MYCBP2: variants seen among roughly 807,000 people sequenced by gnomAD.
MYCBP2 encodes E3 ubiquitin-protein ligase MYCBP2.
A neutral mutation model predicts 525.3 loss-of-function variants in MYCBP2; 120 were observed. That is an observed-to-expected ratio of 0.23 (90% confidence interval 0.20 to 0.27). MYCBP2 has a LOEUF of 0.27. Ranked by LOEUF, MYCBP2 falls within the 10% of genes least tolerant of loss-of-function variation. The pLI, the probability that MYCBP2 is intolerant of heterozygous loss-of-function variation, is 1.00. For missense variants in MYCBP2, 4,149 were observed against 5,657.1 expected, an observed-to-expected ratio of 0.73 and a Z score of 8.55; for synonymous variants, 1,894 against 1,955.8, an observed-to-expected ratio of 0.97 and a Z score of 0.83.
intron 68 of MYCBP2, among the ~76,000 whole-genome samples, chr13:77,073,733 C>T (rs904869467): frequency 5.3e-5 from 8 of 151,934 alleles, no homozygotes; most frequent in Non-Finnish European, 8.8e-5. Context: ...TATTTTTATA[C>T]ACTAGAAATG....
chr13:77,201,821 A>C (rs1380090752), intron 26 of MYCBP2, among the ~76,000 whole-genome samples: 2 of 152,218 alleles, frequency 1.3e-5, no homozygotes, highest in African/African-American at 2.4e-5. Context: ...TGAAGGCAGA[A>C]ATAAAGATGT....
intron 55 of MYCBP2, among the ~76,000 whole-genome samples, chr13:77,113,873 G>C (rs951080143): frequency 2.6e-5 from 4 of 152,152 alleles, no homozygotes; most frequent in Non-Finnish European, 5.9e-5. Flanking sequence ...TGTTGTGACA[G>C]ATGTTATAAA....
In MYCBP2 at chr13:77,217,946, G is replaced by A. The variant is rs1351427714; in HGVS notation, c.2951C>T (p.Thr984Ile). The A allele has an allele frequency of 3.1e-6, 5 of 1,598,348 alleles. No individual in the cohort carries two copies. The highest frequency in any genetic ancestry group is 4.3e-6 in the Non-Finnish European group (5 of 1,173,190). The change falls in exon 21 of 83, where the codon ACT (threonine) becomes ATT (isoleucine). Residue 984 changes from threonine to isoleucine, a missense_variant. Around this residue, in one of 21 missense-constraint regions of MYCBP2, gnomAD observed 620 missense variants for 795.5 expected, o/e 0.78. Transcript: ENST00000544440. Reference sequence around the variant, plus strand: ...AGGGCCTGGCAATGCTTGAACAAGAGTGGGACATCCCCTAGGTTAAAAAAA... The same window carrying A: ...AGGGCCTGGCAATGCTTGAACAAGAATGGGACATCCCCTAGGTTAAAAAAA... ...HGDVNSRGCP[T>I]LVQALPGPST...
At chr13:77,272,051 G>A (rs2074973018) in intron 5 of MYCBP2, among the ~76,000 whole-genome samples, 1 of 152,194 alleles carries the variant, frequency 6.6e-6, no homozygotes, top group Admixed American at 6.5e-5. Flanking sequence ...GGATCAAGTA[G>A]TTTTGTGTTG....
chr13:77,266,746 G>GAAAAAAA (rs56408804), intron 8 of MYCBP2, among the ~76,000 whole-genome samples: 1,347 of 89,316 alleles, frequency 0.015, 61 homozygotes, highest in African/African-American at 0.056. Context: ...GACTTGTAAT[G>GAAAAAAA]AAAAAAAAAA....
chr13:77,203,743 A>G (rs1274469123), intron 26 of MYCBP2, among the ~76,000 whole-genome samples: 1 of 152,184 alleles, frequency 6.6e-6, no homozygotes, highest in Non-Finnish European at 1.5e-5. Flanking sequence ...ATAATGCCAC[A>G]TATCTACAAC....
intron 69 of MYCBP2, 139 bp from the exon 70 acceptor site, chr13:77,068,970 C>T (rs1316689230): frequency 2.5e-6 from 2 of 805,848 alleles, no homozygotes. Context: ...GTTAATTCTC[C>T]ATCATATGTC....
chr13:77,276,773 C>T (rs998312512), intron 4 of MYCBP2, among the ~76,000 whole-genome samples: 2 of 150,218 alleles, frequency 1.3e-5, no homozygotes, highest in African/African-American at 4.9e-5. Context: ...CTCGAGCGGT[C>T]CTCCCACCTT....
At chr13:77,138,072 G>T (rs1016289057) in intron 52 of MYCBP2, among the ~76,000 whole-genome samples, 2 of 152,100 alleles carry the variant, frequency 1.3e-5, no homozygotes, top group Non-Finnish European at 2.9e-5. Flanking sequence ...AGACGTAATT[G>T]ATGTAATTTT....
intron 67 of MYCBP2, 147 bp downstream of exon 67, chr13:77,077,001 C>T (rs1476708199): frequency 2.6e-6 from 3 of 1,166,818 alleles, no homozygotes; most frequent in African/African-American, 1.6e-5. Flanking sequence ...CAACATGGAA[C>T]TCAGGTGTTT....
intron 44 of MYCBP2, among the ~76,000 whole-genome samples, chr13:77,159,703 T>C (rs2057649500): frequency 6.6e-6 from 1 of 152,164 alleles, no homozygotes; most frequent in South Asian, 2.1e-4. Flanking sequence ...TGCTTCCCTT[T>C]TGCCTTCTGC....
chr13:77,266,654 G>T (rs946491052), intron 8 of MYCBP2, among the ~76,000 whole-genome samples: 4 of 150,042 alleles, frequency 2.7e-5, no homozygotes, highest in Admixed American at 1.3e-4. Context: ...AATATGTGGG[G>T]GGAGTGTGCA....
intron 68 of MYCBP2, among the ~76,000 whole-genome samples, chr13:77,073,208 G>A (rs2041691393): frequency 6.6e-6 from 1 of 151,462 alleles, no homozygotes; most frequent in African/African-American, 2.4e-5. Context: ...ATCACATGTT[G>A]ACTAAAATGC....
At chr13:77,299,068 A>G (rs1406092655) in intron 1 of MYCBP2, among the ~76,000 whole-genome samples, 1 of 152,202 alleles carries the variant, frequency 6.6e-6, no homozygotes, top group East Asian at 1.9e-4. Context: ...CAGGTATTTG[A>G]GCAACAGGAA....
At chr13:77,277,937 T>C (rs866121788) in intron 4 of MYCBP2, among the ~76,000 whole-genome samples, 4 of 152,228 alleles carry the variant, frequency 2.6e-5, no homozygotes, top group African/African-American at 9.6e-5. Flanking sequence ...ATATTTCTAT[T>C]CCTTAGTACC....
chr13:77,171,783 AATG>A (rs1351205235), intron 37 of MYCBP2, 149 bp from the exon 38 acceptor site: 3 of 692,942 alleles, frequency 4.3e-6, no homozygotes, highest in Non-Finnish European at 7.0e-6. Context: ...AATAATAGGG[AATG>A]ATAAGGGCTT....
In MYCBP2 at chr13:77,083,052, T is replaced by C. The variant is rs1364535592; in HGVS notation, c.11016A>G (p.Ser3672=). 4.3e-6 allele frequency: 7 copies of C among 1,612,952 alleles called. No homozygotes were observed. The African/African-American group carries it at 6.7e-5, about 15-fold the overall frequency. The change falls in exon 63 of 83, where the codon TCA becomes TCG. Residue 3672 remains serine, a synonymous_variant. Transcript: ENST00000544440. ...DLMMSLPSGS[S]LQQMALRCWS... ...ATTACCTCAGGGCCATTTGCTGTAA[T>C]GAACTGCCGCTGGGGAGAGACATCA...
chr13:77,098,671 G>A lies in MYCBP2; in HGVS notation c.8483C>T (p.Pro2828Leu), dbSNP rs749949665. Reference sequence around the variant, plus strand: ...ACCCGATGGGCTAGACCTATTGGCTGGGAGAGTCTTTGGCTTAGGAGATGA... The same window carrying A: ...ACCCGATGGGCTAGACCTATTGGCTAGGAGAGTCTTTGGCTTAGGAGATGA... ...RLSSPKPKTL[P>L]ANRSSPSGAS... Residue 2828 changes from proline (P) to leucine (L), a missense_variant, in exon 56 of 83, where the codon CCA becomes CTA. Coordinates refer to ENST00000544440, the MANE Select transcript of MYCBP2 (RefSeq NM_015057.5). 3.0e-5 allele frequency: 48 copies of A among 1,613,510 alleles called. No homozygotes were observed. The highest frequency in any genetic ancestry group is 3.9e-5 in the Non-Finnish European group (46 of 1,179,804).
chr13:77,124,199 A>T (rs370409949), intron 54 of MYCBP2, among the ~76,000 whole-genome samples: 3 of 152,290 alleles, frequency 2.0e-5, no homozygotes, highest in African/African-American at 7.2e-5. Flanking sequence ...ACAACCATAG[A>T]CACGTTAGTT....
Sources: gnomAD v4.1 joint callset for allele counts (sites outside exome capture counted in the v4.1 genomes callset) on GRCh38, gnomAD v4.1.1 for gene constraint, gnomAD v4.1.1 regional missense constraint, MANE v1.5 for transcripts, NCBI Gene and HGNC (gene_info 2026-07-23, HGNC 2026-07-21) for gene names.